PPP2R1B: variants seen among roughly 807,000 people sequenced by gnomAD.
PPP2R1B encodes protein phosphatase 2 scaffold subunit Abeta.
In PPP2R1B, 58 loss-of-function variants were observed where a neutral mutation model predicts 72.7. The ratio of observed to expected loss-of-function variants is 0.80; its 90% confidence interval spans 0.65 to 0.99. The LOEUF (loss-of-function observed/expected upper bound fraction) is 0.99, where lower values mean the gene tolerates loss of function less well. Among genes scored for constraint, PPP2R1B ranks in the 50% least tolerant of loss-of-function variants. PPP2R1B has a pLI of 0.00. For synonymous variants in PPP2R1B, 256 were observed against 264.6 expected (o/e 0.97, Z 0.32); for missense variants, 695 against 733.6 (o/e 0.95, Z 0.61).
chr11:111,717,351 A>G, the PPP2R1B span, among the ~76,000 whole-genome samples: 2 of 149,946 alleles, frequency 1.3e-5, no homozygotes, highest in Non-Finnish European at 3.0e-5. Flanking sequence ...AAAGCTCAAC[A>G]TGACTGATCA....
At chr11:111,708,816 G>T in the PPP2R1B span, among the ~76,000 whole-genome samples, 3 of 152,050 alleles carry the variant, frequency 2.0e-5, no homozygotes, top group African/African-American at 7.2e-5. Flanking sequence ...TCAAACTCCT[G>T]GGCTCAAGTA....
chr11:111,754,383 AT>A, intron 8 of PPP2R1B, 115 bp downstream of exon 8: 2 of 1,366,802 alleles, frequency 1.5e-6, no homozygotes, highest in East Asian at 2.7e-5. Flanking sequence ...TTCCCCATTC[AT>A]TCCCTGTCAA....
intron 10 of PPP2R1B, 29 bp from the exon 11 acceptor site, chr11:111,748,043 A>T (rs1944767357): frequency 6.3e-7 from 1 of 1,591,338 alleles, no homozygotes; most frequent in Non-Finnish European, 8.6e-7. Context: ...CCATTAACAT[A>T]CATTGCCAAA....
rs1212332633 is a variant in PPP2R1B at position 111,740,676 on chromosome 11, T to C, written c.*920A>G. 1 of 985,148 alleles carries C rather than the reference T, an allele frequency of 1.0e-6. No individual in the cohort carries two copies. Among genetic ancestry groups the C allele is most frequent in the Non-Finnish European group, 1.2e-6 (1 of 829,828 alleles). The allele number at this position is 985,148 out of a possible 1,614,324, so 61.0% of individuals were successfully genotyped here. ...TAAAAACTTAGCAATAAAACTGCAGTTTGAAAAGCTACTGTACAATGCAGC... is the reference window on the plus strand; with the variant it reads ...TAAAAACTTAGCAATAAAACTGCAGCTTGAAAAGCTACTGTACAATGCAGC... On this transcript the variant is annotated 3_prime_UTR_variant, in exon 15 of 15. Transcript: ENST00000527614.
chr11:111,747,046 T>C (rs367972078), intron 11 of PPP2R1B, among the ~76,000 whole-genome samples: 31 of 152,108 alleles, frequency 2.0e-4, no homozygotes, highest in African/African-American at 5.1e-4. Flanking sequence ...TAAGCACCCA[T>C]AGATGAACAA....
At chr11:111,735,506 G>A (rs763041423), downstream of PPP2R1B, among the ~76,000 whole-genome samples, 8 of 152,332 alleles carry the variant, frequency 5.3e-5, no homozygotes, top group Non-Finnish European at 7.4e-5. Context: ...TGCCGGACCC[G>A]CGGCAGCAAG....
chr11:111,731,566 A>C (rs1370412327), intron 15 of PPP2R1B, among the ~76,000 whole-genome samples: 2 of 152,212 alleles, frequency 1.3e-5, no homozygotes, highest in Non-Finnish European at 2.9e-5. Flanking sequence ...ATCTCGACTG[A>C]AATTTGGTTT....
chr11:111,753,028 TTG>T (rs1410222019), intron 9 of PPP2R1B, among the ~76,000 whole-genome samples: 1 of 152,162 alleles, frequency 6.6e-6, no homozygotes, highest in African/African-American at 2.4e-5. Context: ...CACAGGATTG[TTG>T]TGAGAATTGC....
chr11:111,732,294 T>C (rs1433351587), intron 15 of PPP2R1B, among the ~76,000 whole-genome samples: 2 of 152,214 alleles, frequency 1.3e-5, no homozygotes, highest in East Asian at 3.9e-4. Context: ...GACCCAGAAC[T>C]TCGGACACAG....
the PPP2R1B span, chr11:111,719,720 A>C: frequency 6.5e-7 from 1 of 1,539,790 alleles, no homozygotes; most frequent in Non-Finnish European, 8.8e-7. Context: ...TCCTTTGTGG[A>C]TTTTTCTGTC....
In PPP2R1B at chr11:111,738,921, T is replaced by A. The variant is rs932372586; in HGVS notation, c.*2675A>T. ...GTGTGTGTGTGTGTGTGTGTGTGTG[T>A]GTGTCTGCTTCATTTTTCTAATCAA... is the stretch of plus-strand genomic sequence containing the variant. On this transcript the variant is annotated 3_prime_UTR_variant, in exon 15 of 15. Coordinates refer to ENST00000527614, the MANE Select transcript of PPP2R1B (RefSeq NM_002716.5). 1.0e-6 allele frequency: 1 copy of A among 983,180 alleles called. No homozygotes were observed. The highest frequency in any genetic ancestry group is 6.3e-5 in the Admixed American group (1 of 15,960). The allele number at this position is 983,180 out of a possible 1,614,324, so 60.9% of individuals were successfully genotyped here. A position where few individuals can be genotyped will look rare whatever the true frequency, so the allele number is the denominator to read the frequency against.
Position 111,759,924 on chromosome 11 carries a change from G to A in PPP2R1B, c.567C>T (p.Asp189=), listed in dbSNP as rs1555050775. 1 of 1,614,014 alleles carries A rather than the reference G, an allele frequency of 6.2e-7. No individual in the cohort carries two copies. The highest frequency in any genetic ancestry group is 1.1e-5 in the South Asian group (1 of 91,052). Residue 189 remains aspartate, a synonymous_variant, in exon 5 of 15, where the codon GAC becomes GAT. Coordinates refer to ENST00000527614, the MANE Select transcript of PPP2R1B (RefSeq NM_002716.5). ...CAGCAGCACGTCGTACCATTGGTGT[G>A]TCATCTGAGCACAAGGAACGGAATT... The part of the protein sequence containing the change: ...RQQFRSLCSD[D]TPMVRRAAAS...
chr11:111,702,742 T>A, the PPP2R1B span, among the ~76,000 whole-genome samples: 1 of 152,178 alleles, frequency 6.6e-6, no homozygotes, highest in Non-Finnish European at 1.5e-5. Flanking sequence ...CAGAAGTAAG[T>A]AATATTTTAT....
At chr11:111,704,916 T>G in the PPP2R1B span, 46 of 1,476,630 alleles carry the variant, frequency 3.1e-5, no homozygotes, top group Non-Finnish European at 4.0e-5. Context: ...TCCTCTTTTT[T>G]TTTAGGCATG....
At chr11:111,763,866 CTCTA>C (rs782574827) in intron 3 of PPP2R1B, among the ~76,000 whole-genome samples, 13 of 150,996 alleles carry the variant, frequency 8.6e-5, no homozygotes, top group African/African-American at 2.7e-4. Flanking sequence ...CTCTCTCTCT[CTCTA>C]TATATATATA....
At position 111,739,378 on chromosome 11, in the gene PPP2R1B, A is replaced by T. The variant is rs1944444534; in HGVS notation, c.*2218T>A. 1.0e-6 allele frequency: 1 copy of T among 985,244 alleles called. No homozygotes were observed. The highest frequency in any genetic ancestry group is 1.2e-6 in the Non-Finnish European group (1 of 829,806). The allele number at this position is 985,244 out of a possible 1,614,324, so 61.0% of individuals were successfully genotyped here. ...AAAAAATAGGAGAACTAATTCATGGAGAACATGGCCAAGTTATGAGCCAAA... is the reference window on the plus strand; with the variant it reads ...AAAAAATAGGAGAACTAATTCATGGTGAACATGGCCAAGTTATGAGCCAAA... On this transcript the variant is annotated 3_prime_UTR_variant, in exon 15 of 15. Transcript: ENST00000527614.
intron 3 of PPP2R1B, 151 bp downstream of exon 3, chr11:111,764,654 A>G (rs1945451841): frequency 1.4e-6 from 1 of 726,246 alleles, no homozygotes; most frequent in Non-Finnish European, 2.2e-6. Context: ...CAAAGTGCCT[A>G]CAGTACTTAT....
downstream of PPP2R1B, chr11:111,722,553 G>A: frequency 9.8e-7 from 1 of 1,022,842 alleles, no homozygotes. This position sits in a 1 kb window ranked among gnomAD's most constrained non-coding sequence, Gnocchi z 4.4. Context: ...TTCACCCCGT[G>A]TGGATTCTGT....
chr11:111,734,528 G>A (rs569528785), downstream of PPP2R1B, among the ~76,000 whole-genome samples: 233 of 152,348 alleles, frequency 1.5e-3, 2 homozygotes, highest in African/African-American at 5.4e-3. Context: ...CAGTGGAGAG[G>A]GCACTGACAG....
Sources: gnomAD v4.1 joint callset for allele counts (sites outside exome capture counted in the v4.1 genomes callset) on GRCh38, gnomAD v4.1.1 for gene constraint, Gnocchi (gnomAD v3.1) non-coding constraint, MANE v1.5 for transcripts, NCBI Gene and HGNC (gene_info 2026-07-23, HGNC 2026-07-21) for gene names.